Variants in SYNE3 observed in about 807,000 individuals in gnomAD.
SYNE3 encodes nesprin-3.
Under a neutral mutation model 111.2 loss-of-function variants are expected in SYNE3, and 100 were observed. That is an observed-to-expected ratio of 0.90 (90% confidence interval 0.77 to 1.06). SYNE3 has a LOEUF of 1.06. Among genes scored for constraint, SYNE3 ranks in the 50% least tolerant of loss-of-function variants. The pLI is 0.00. For synonymous variants in SYNE3, 547 were observed against 533.9 expected (o/e 1.02, Z -0.34); for missense variants, 1,160 against 1,240.3 (o/e 0.94, Z 0.97).
chr14:95,420,124 A>G (rs1434140980), intron 17 of SYNE3, among the ~76,000 whole-genome samples: 1 of 151,344 alleles, frequency 6.6e-6, no homozygotes. Flanking sequence ...CACTGATTTT[A>G]TAAAACAGGC....
At chr14:95,453,932 A>G (rs1267726354) in intron 6 of SYNE3, among the ~76,000 whole-genome samples, 1 of 152,254 alleles carries the variant, frequency 6.6e-6, no homozygotes, top group Non-Finnish European at 1.5e-5. Flanking sequence ...CAGCTCTGAC[A>G]TGCCATGCTG....
chr14:95,453,015 T>A (rs1341999833), intron 6 of SYNE3, among the ~76,000 whole-genome samples: 1 of 152,232 alleles, frequency 6.6e-6, no homozygotes, highest in East Asian at 1.9e-4. Context: ...ACGTTTGACC[T>A]TGATCTGCAG....
At position 95,445,997 on chromosome 14, in the gene SYNE3, GCT is replaced by G. The variant is rs1298767173; in HGVS notation, c.1542_1543del (p.Arg514SerfsTer20). The G allele has an allele frequency of 6.2e-7, 1 of 1,614,094 alleles. No homozygotes were observed. The highest frequency in any genetic ancestry group is 8.5e-7 in the Non-Finnish European group (1 of 1,180,024). ...TGCCACCTGCTCCAGGAGTGCCGTG[GCT>G]CTCTCCTGGCCAAAGATGCCAATCA... On this transcript the variant is annotated frameshift_variant, in exon 9 of 18. Transcript: ENST00000682763. LOFTEE classifies it high-confidence loss of function.
At chr14:95,421,661 G>C (rs1885132924) in intron 17 of SYNE3, among the ~76,000 whole-genome samples, 1 of 152,198 alleles carries the variant, frequency 6.6e-6, no homozygotes, top group Admixed American at 6.5e-5. Flanking sequence ...CTGGCTGATG[G>C]GTGTGGGGCA....
chr14:95,439,107 C>T lies in SYNE3; in HGVS notation c.2302G>A (p.Val768Ile). 1 of 1,614,254 alleles carries T rather than the reference C, an allele frequency of 6.2e-7. No individual in the cohort carries two copies. The highest frequency in any genetic ancestry group is 8.5e-7 in the Non-Finnish European group (1 of 1,180,046). Residue 768 changes from valine (V) to isoleucine (I), a missense_variant, in exon 14 of 18, where the codon GTT (valine) becomes ATT (isoleucine). Transcript: ENST00000682763. ...GACTTTGGGATGTTGTTGGTGAAAA[C>T]CATTTTCTTCCCCGAATCCACTTCC... ...RMEVDSGKKM[V>I]FTNNIPKSGF...
intron 14 of SYNE3, 74 bp downstream of exon 14, chr14:95,438,958 TG>T: frequency 6.3e-7 from 1 of 1,585,436 alleles, no homozygotes; most frequent in Non-Finnish European, 8.6e-7. Context: ...GGGAGGGGCC[TG>T]TGCTGGAGAC....
intron 7 of SYNE3, 64 bp from the exon 8 acceptor site, chr14:95,450,169 G>A: frequency 6.6e-7 from 1 of 1,512,742 alleles, no homozygotes; most frequent in Admixed American, 2.0e-5. Flanking sequence ...CAGGGATGAG[G>A]CCTCCGCCAA....
intron 17 of SYNE3, among the ~76,000 whole-genome samples, chr14:95,426,660 A>G (rs888692124): frequency 1.3e-5 from 2 of 152,154 alleles, no homozygotes; most frequent in Non-Finnish European, 2.9e-5. Context: ...GAGCTGTTCC[A>G]GTATAATAAA....
intron 1 of SYNE3, among the ~76,000 whole-genome samples, chr14:95,476,227 G>C (rs1888883235): frequency 6.6e-6 from 1 of 152,222 alleles, no homozygotes; most frequent in African/African-American, 2.4e-5. Flanking sequence ...GATTTGAATG[G>C]ATCAAAGAGG....
intron 5 of SYNE3, chr14:95,455,942 G>A (rs1392852867): frequency 1.9e-6 from 1 of 517,526 alleles, no homozygotes; most frequent in East Asian, 2.9e-5. Flanking sequence ...TCTTTTTCAA[G>A]CCATTTGATT....
At chr14:95,455,912 C>T in intron 5 of SYNE3, 188 bp from the exon 6 acceptor site, 1 of 565,504 alleles carries the variant, frequency 1.8e-6, no homozygotes, top group Non-Finnish European at 3.1e-6. Context: ...AACCTGAGAA[C>T]CCTATTCCTT....
At chr14:95,475,958 G>A (rs1888864184) in intron 1 of SYNE3, 123 bp from the exon 2 acceptor site, 2 of 978,208 alleles carry the variant, frequency 2.0e-6, no homozygotes, top group Non-Finnish European at 2.7e-6. Flanking sequence ...GCTCCCAGTT[G>A]GGCAATATGG....
At chr14:95,435,385 G>A (rs1305820836) in intron 15 of SYNE3, among the ~76,000 whole-genome samples, 2 of 152,160 alleles carry the variant, frequency 1.3e-5, no homozygotes, top group Non-Finnish European at 2.9e-5. Flanking sequence ...GAGAGAATTA[G>A]TAAACTGAAA....
Position 95,417,861 on chromosome 14 carries a change from G to C in SYNE3, c.2893C>G (p.Leu965Val). The change falls in exon 18 of 18, where the codon CTC becomes GTC. Residue 965 changes from leucine to valine, a missense_variant. By Grantham distance (32) the Leu-to-Val change is conservative. Transcript: ENST00000682763. ...GGTGGGCCATTGTAGCGCAGCATGAGCGTGAAGGAGCGGGCGAAGTTGTTG... is the reference window on the plus strand; with the variant it reads ...GGTGGGCCATTGTAGCGCAGCATGACCGTGAAGGAGCGGGCGAAGTTGTTG... ...LANNFARSFT[L>V]MLRYNGPPPT The C allele has an allele frequency of 6.2e-7, 1 of 1,614,250 alleles. No homozygotes were observed. Among genetic ancestry groups the C allele is most frequent in the African/African-American group, 1.3e-5 (1 of 75,062 alleles).
At position 95,408,728 on chromosome 14, in the gene SYNE3, A is replaced by T. The variant is rs186841037; in HGVS notation, c.*9098T>A. ...ACCCTGCCCACCCCTTCACATGCAC[A>T]CACAGCTTCCTCTGTCCGCTTCCTC... On this transcript the variant is annotated 3_prime_UTR_variant, in exon 18 of 18. Transcript: ENST00000682763. The T allele has an allele frequency of 6.1e-4, 100 of 164,066 alleles. 2 individuals are homozygous for T. The East Asian group carries it at 0.015, about 25-fold the overall frequency. 10.2% of individuals were successfully genotyped at this position (164,066 alleles called of 1,614,324 possible).
rs1383291196 is a variant in SYNE3, at chr14:95,435,895, ACCCAAC to A, written c.2538+919_2538+924del. Among the ~76,000 whole-genome samples, 8 of 152,142 alleles carry A rather than the reference ACCCAAC, an allele frequency of 5.3e-5. No individual in the cohort carries two copies. In the East Asian group the frequency reaches 1.5e-3, roughly 29 times the overall value. On this transcript the variant is annotated intron_variant, in intron 15 of 17. Coordinates refer to ENST00000682763, the MANE Select transcript of SYNE3 (RefSeq NM_152592.6). ...CAGGATGAGCCATGACCTAGATGGG[ACCCAAC>A]AGGAAGAAAGGAGGATCAGCTGGGA... is the stretch of plus-strand genomic sequence containing the variant.
Position 95,470,993 on chromosome 14 carries a change from A to C in SYNE3, c.145-3026T>G, listed in dbSNP as rs1324842628. 6.8e-6 allele frequency among the ~76,000 whole-genome samples: 1 copy of C among 146,294 alleles called. No homozygotes were observed. The highest frequency in any genetic ancestry group is 1.9e-4 in the East Asian group (1 of 5,168). The stretch of plus-strand genomic sequence containing the variant: ...ACACGCCGTCTCAGGAAAAAAAAAA[A>C]AAGAAAGTAAGATGATATTTCTGAT... On this transcript the variant is annotated intron_variant, in intron 2 of 17. Coordinates refer to ENST00000682763, the MANE Select transcript of SYNE3 (RefSeq NM_152592.6). This position sits in a 1 kb window ranked among gnomAD's most constrained non-coding sequence, Gnocchi z 4.2.
At chr14:95,462,356 T>C (rs1887885943) in intron 4 of SYNE3, among the ~76,000 whole-genome samples, 2 of 152,198 alleles carry the variant, frequency 1.3e-5, no homozygotes, top group Non-Finnish European at 2.9e-5. Context: ...GCAGGAAGAC[T>C]TCATGAGGGG....
Position 95,455,553 on chromosome 14 carries a change from C to T in SYNE3, c.961G>A (p.Glu321Lys). The T allele has an allele frequency of 1.9e-6, 3 of 1,607,818 alleles. No individual in the cohort carries two copies. The highest frequency in any genetic ancestry group is 2.5e-6 in the Non-Finnish European group (3 of 1,176,812). Reference sequence around the variant, plus strand: ...GACCGGAGCAGGCCCCGCAGCCGCTCCTCCTCCTCCTCCCAGAGGGCGCGC... The same window carrying T: ...GACCGGAGCAGGCCCCGCAGCCGCTTCTCCTCCTCCTCCCAGAGGGCGCGC... ...KLRALWEEEE[E>K]RLRGLLRSRG... Residue 321 changes from glutamate to lysine, a missense_variant, in exon 6 of 18, where the codon GAG becomes AAG. Glu to Lys is a moderately conservative substitution (Grantham distance 56). Coordinates refer to ENST00000682763, the MANE Select transcript of SYNE3 (RefSeq NM_152592.6).
Sources: gnomAD v4.1 joint callset for allele counts (sites outside exome capture counted in the v4.1 genomes callset) on GRCh38, gnomAD v4.1.1 for gene constraint, Gnocchi (gnomAD v3.1) non-coding constraint, MANE v1.5 for transcripts, NCBI Gene and HGNC (gene_info 2026-07-23, HGNC 2026-07-21) for gene names.